The following FOXK1 variants were observed in gnomAD, a reference collection of about 807,000 sequenced individuals.
FOXK1 encodes the protein forkhead box protein K1.
FOXK1 carries 19 observed loss-of-function variants against 51.9 expected under a neutral mutation model. That is an observed-to-expected ratio of 0.37 (90% CI 0.26 to 0.54). FOXK1 has a LOEUF of 0.54. Ranked by LOEUF, FOXK1 falls within the 20% of genes least tolerant of loss-of-function variation. The pLI is 0.87. For synonymous variants in FOXK1, 537 were observed against 482.6 expected, an observed-to-expected ratio of 1.11 and a Z score of -1.48; for missense variants, 870 against 1,032.7, an observed-to-expected ratio of 0.84 and a Z score of 2.16.
chr7:4,767,449 C>T lies in FOXK1; in HGVS notation c.*4985C>T, dbSNP rs1351688889. The T allele has an allele frequency of 2.0e-5, 3 of 152,224 alleles. No individual in the cohort carries two copies. Among genetic ancestry groups the T allele is most frequent in the Non-Finnish European group, 2.9e-5 (2 of 68,050 alleles). 9.4% of individuals were successfully genotyped at this position (152,224 alleles called of 1,614,324 possible). ...ATGAAAACGTGTTTACCCACAGCCTCGCCTCGAGCCTCCTTGACAATACCG... is the reference window on the plus strand; with the variant it reads ...ATGAAAACGTGTTTACCCACAGCCTTGCCTCGAGCCTCCTTGACAATACCG... On this transcript the variant is annotated 3_prime_UTR_variant, in exon 9 of 9. Transcript: ENST00000328914. This position sits in a 1 kb window ranked among gnomAD's most constrained non-coding sequence, Gnocchi z 6.6.
At position 4,722,573 on chromosome 7, in the gene FOXK1, G is replaced by A. The variant is rs748292318; in HGVS notation, c.561-18265G>A. ...TTAACCGCACACCTGCGTGCAGCAC[G>A]GGCACACTCGTATACAACGGGCACA... On this transcript the variant is annotated intron_variant, in intron 1 of 8. Transcript: ENST00000328914. This position sits in a 1 kb window ranked among gnomAD's most constrained non-coding sequence, Gnocchi z 5.1. 1.3e-5 allele frequency among the ~76,000 whole-genome samples: 2 copies of A among 152,208 alleles called. No homozygotes were observed. The highest frequency in any genetic ancestry group is 2.1e-4 in the South Asian group (1 of 4,834).
intron 2 of FOXK1, among the ~76,000 whole-genome samples, chr7:4,741,297 G>T (rs1349844628): frequency 1.3e-5 from 2 of 150,340 alleles, no homozygotes; most frequent in Non-Finnish European, 3.0e-5. Context: ...GTTGTTTTTT[G>T]TTTTTTTTTA....
intron 1 of FOXK1, among the ~76,000 whole-genome samples, chr7:4,718,471 G>A (rs1554250994): frequency 2.0e-5 from 3 of 152,222 alleles, no homozygotes; most frequent in African/African-American, 7.2e-5. Flanking sequence ...CTGGGTGGAG[G>A]TTCCCCTGTT....
At position 4,698,717 on chromosome 7, in the gene FOXK1, T is replaced by C. The variant is rs1247851948; in HGVS notation, c.560+15849T>C. ...ACAGGCACGTGCCACCACGCCCTGC[T>C]AATTTTTTTGTGTGTTTCTAGAAAT... is the stretch of plus-strand genomic sequence containing the variant. On this transcript the variant is annotated intron_variant, in intron 1 of 8. Transcript: ENST00000328914. 2.0e-5 allele frequency among the ~76,000 whole-genome samples: 3 copies of C among 152,218 alleles called. No individual in the cohort carries two copies. The East Asian group carries it at 5.8e-4, about 29-fold the overall frequency.
At chr7:4,694,139 G>C (rs1193966981) in intron 1 of FOXK1, among the ~76,000 whole-genome samples, 3 of 152,114 alleles carry the variant, frequency 2.0e-5, no homozygotes, top group Non-Finnish European at 2.9e-5. Flanking sequence ...CTCCCACCTG[G>C]GCTTCCCAAA....
chr7:4,747,047 T>G lies in FOXK1; in HGVS notation c.746+6024T>G, dbSNP rs988623273. The stretch of plus-strand genomic sequence containing the variant: ...CCTAGATCCCTTCGAGGGGCAACTT[T>G]GGCGCTAAAGTGTTGGGAGTTCGGA... On this transcript the variant is annotated intron_variant, in intron 2 of 8. Transcript: ENST00000328914. This position sits in a 1 kb window ranked among gnomAD's most constrained non-coding sequence, Gnocchi z 9.2. 1.3e-5 allele frequency among the ~76,000 whole-genome samples: 2 copies of G among 152,240 alleles called. No homozygotes were observed. The highest frequency in any genetic ancestry group is 2.9e-5 in the Non-Finnish European group (2 of 68,036).
At position 4,769,281 on chromosome 7, in the gene FOXK1, G is replaced by C. The variant is rs1781061147; in HGVS notation, c.*6817G>C. On this transcript the variant is annotated 3_prime_UTR_variant, in exon 9 of 9. Coordinates refer to ENST00000328914, the MANE Select transcript of FOXK1 (RefSeq NM_001037165.2). The surrounding 1 kb of genome is among the most constrained non-coding windows in gnomAD (Gnocchi z 4.1). ...GGAGAAGCCGTGAATGTATTTATTT[G>C]CTTTGGTGAAGCTGCTGAACACTGG... The C allele has an allele frequency of 6.6e-6, 1 of 152,166 alleles. No individual in the cohort carries two copies. Among genetic ancestry groups the C allele is most frequent in the Non-Finnish European group, 1.5e-5 (1 of 68,040 alleles). 9.4% of individuals were successfully genotyped at this position (152,166 alleles called of 1,614,324 possible).
rs1781013894 is a variant in FOXK1, at chr7:4,766,595, C to G, written c.*4131C>G. ...GTGTTCCCTGCTCCTAGGTACCACGCTCTGTGCTTCTCAGGCAGGGAGGAG... is the reference window on the plus strand; with the variant it reads ...GTGTTCCCTGCTCCTAGGTACCACGGTCTGTGCTTCTCAGGCAGGGAGGAG... On this transcript the variant is annotated 3_prime_UTR_variant, in exon 9 of 9. Transcript: ENST00000328914. This position sits in a 1 kb window ranked among gnomAD's most constrained non-coding sequence, Gnocchi z 5.5. 6.6e-6 allele frequency: 1 copy of G among 152,322 alleles called. No individual in the cohort carries two copies. The highest frequency in any genetic ancestry group is 2.4e-5 in the African/African-American group (1 of 41,468). 9.4% of individuals were successfully genotyped at this position (152,322 alleles called of 1,614,324 possible).
chr7:4,760,379 G>C (rs10268723), intron 7 of FOXK1, among the ~76,000 whole-genome samples: 33,893 of 152,086 alleles, frequency 0.22, 5,600 homozygotes, highest in African/African-American at 0.47. Context: ...CGCCCTCCTA[G>C]GCCACTCTCC....
chr7:4,732,859 C>T (rs554529124), intron 1 of FOXK1, among the ~76,000 whole-genome samples: 3 of 152,252 alleles, frequency 2.0e-5, no homozygotes, highest in Non-Finnish European at 4.4e-5. Context: ...ACACGTGTGC[C>T]TCTTTCCCAT....
Position 4,748,766 on chromosome 7 carries a change from A to G in FOXK1, c.747-5693A>G, listed in dbSNP as rs553030390. 5.7e-4 allele frequency among the ~76,000 whole-genome samples: 87 copies of G among 152,138 alleles called. No individual in the cohort carries two copies. Among genetic ancestry groups the G allele is most frequent in the Non-Finnish European group, 1.0e-3 (68 of 67,978 alleles). On this transcript the variant is annotated intron_variant, in intron 2 of 8. Transcript: ENST00000328914. The surrounding 1 kb of genome is among the most constrained non-coding windows in gnomAD (Gnocchi z 4.9). ...GTCTCACTTTGTTGCCCAGGCTGGTACTTCTGGGCTCAAGCGAGCCTCCTG... is the reference window on the plus strand; with the variant it reads ...GTCTCACTTTGTTGCCCAGGCTGGTGCTTCTGGGCTCAAGCGAGCCTCCTG...
At chr7:4,746,051 G>A (rs539595662) in intron 2 of FOXK1, among the ~76,000 whole-genome samples, 3 of 152,186 alleles carry the variant, frequency 2.0e-5, no homozygotes, top group Non-Finnish European at 4.4e-5. Flanking sequence ...TGCACAGAGT[G>A]ACTGTTTTTG....
chr7:4,750,058 C>G (rs1405522772), intron 2 of FOXK1, among the ~76,000 whole-genome samples: 4 of 152,222 alleles, frequency 2.6e-5, no homozygotes, highest in African/African-American at 9.6e-5. Context: ...GAGACCCGTA[C>G]TCAGAATCCT....
In FOXK1 at chr7:4,740,572, T is replaced by A. The variant is rs534571817; in HGVS notation, c.561-266T>A. Among the ~76,000 whole-genome samples, 12 of 150,928 alleles carry A rather than the reference T, an allele frequency of 8.0e-5. No individual in the cohort carries two copies. The East Asian group carries it at 2.3e-3, about 29-fold the overall frequency. On this transcript the variant is annotated intron_variant, in intron 1 of 8. Transcript: ENST00000328914. ...GTTGCGGTGAGCTGAGATCCTGCCA[T>A]TGCACTCCAGCCTGGGTGACAGCGA...
chr7:4,726,660 G>A (rs1780384954), intron 1 of FOXK1, among the ~76,000 whole-genome samples: 1 of 151,438 alleles, frequency 6.6e-6, no homozygotes. Context: ...GGAGGTGCCT[G>A]AGTCCAGAAG....
Position 4,703,414 on chromosome 7 carries a change from C to A in FOXK1, c.560+20546C>A, listed in dbSNP as rs560843220. 6.6e-6 allele frequency among the ~76,000 whole-genome samples: 1 copy of A among 152,148 alleles called. No homozygotes were observed. Among genetic ancestry groups the A allele is most frequent in the Non-Finnish European group, 1.5e-5 (1 of 68,026 alleles). On this transcript the variant is annotated intron_variant, in intron 1 of 8. Coordinates refer to ENST00000328914, the MANE Select transcript of FOXK1 (RefSeq NM_001037165.2). This position sits in a 1 kb window ranked among gnomAD's most constrained non-coding sequence, Gnocchi z 5.6. The stretch of plus-strand genomic sequence containing the variant: ...CTGAAGTTCGTGGCCCCAAGACATG[C>A]GGAGAACCCGCGTCTGCAGGGCTGG...
chr7:4,710,261 G>C (rs1353706652), intron 1 of FOXK1, among the ~76,000 whole-genome samples: 1 of 152,192 alleles, frequency 6.6e-6, no homozygotes, highest in African/African-American at 2.4e-5. Context: ...GAAAGTACAG[G>C]ATAGGCCAGT....
At chr7:4,698,126 T>C (rs1779976332) in intron 1 of FOXK1, among the ~76,000 whole-genome samples, 1 of 151,894 alleles carries the variant, frequency 6.6e-6, no homozygotes, top group Non-Finnish European at 1.5e-5. Context: ...TGCCCAGCCC[T>C]AATTTGTTAT....
intron 1 of FOXK1, among the ~76,000 whole-genome samples, chr7:4,686,865 G>A (rs1253453881): frequency 1.3e-5 from 2 of 151,200 alleles, no homozygotes; most frequent in Non-Finnish European, 3.0e-5. Flanking sequence ...TTATGGGGAG[G>A]GGGGTGAGGT....
Sources: allele counts gnomAD v4.1 joint callset (sites outside exome capture counted in the v4.1 genomes callset), GRCh38; gene constraint gnomAD v4.1.1; non-coding constraint Gnocchi (gnomAD v3.1); transcripts MANE v1.5; gene names NCBI Gene and HGNC (gene_info 2026-07-23, HGNC 2026-07-21).